The following PXYLP1 variants were observed in gnomAD, a reference collection of about 807,000 sequenced individuals.
PXYLP1 encodes 2-phosphoxylose phosphatase 1.
In PXYLP1, 17 loss-of-function variants were observed where a neutral mutation model predicts 37.9. The ratio of observed to expected loss-of-function variants is 0.45; its 90% CI spans 0.31 to 0.67. The LOEUF (loss-of-function observed/expected upper bound fraction) is 0.67, where lower values mean the gene tolerates loss of function less well. Ranked by LOEUF, PXYLP1 falls within the 30% of genes least tolerant of loss-of-function variation. The probability of loss-of-function intolerance (pLI) is 0.07; values close to 1 mark genes in which losing one functional copy is unlikely to be tolerated. For synonymous variants in PXYLP1, 221 were observed against 232.2 expected (o/e 0.95, Z 0.44); for missense variants, 511 against 612.0 (o/e 0.84, Z 1.74).
At chr3:141,280,858 G>T (rs948037806) in intron 4 of PXYLP1, among the ~76,000 whole-genome samples, 3 of 152,240 alleles carry the variant, frequency 2.0e-5, no homozygotes, top group African/African-American at 7.2e-5. Flanking sequence ...CAGGCAGGGT[G>T]CAGTGAGCTG....
At chr3:141,232,772 C>A (rs1195628383) in intron 1 of PXYLP1, among the ~76,000 whole-genome samples, 1 of 152,228 alleles carries the variant, frequency 6.6e-6, no homozygotes, top group Non-Finnish European at 1.5e-5. Context: ...GTAAAGGATT[C>A]ACGGTGCAGG....
intron 1 of PXYLP1, among the ~76,000 whole-genome samples, chr3:141,245,846 C>G (rs1044160916): frequency 1.1e-4 from 17 of 152,190 alleles, no homozygotes; most frequent in African/African-American, 4.1e-4. Flanking sequence ...TAAGCTTGAC[C>G]TGTTCCGTGC....
intron 1 of PXYLP1, among the ~76,000 whole-genome samples, chr3:141,239,088 C>T (rs940580611): frequency 6.6e-6 from 1 of 152,012 alleles, no homozygotes; most frequent in Non-Finnish European, 1.5e-5. Context: ...AAAACCTTGC[C>T]CCACACTTGT....
intron 5 of PXYLP1, among the ~76,000 whole-genome samples, chr3:141,287,721 C>T (rs1005974870): frequency 5.3e-5 from 8 of 152,128 alleles, no homozygotes; most frequent in South Asian, 2.1e-4. Flanking sequence ...TTTAAGCAAC[C>T]GTAATTCCAC....
intron 1 of PXYLP1, among the ~76,000 whole-genome samples, chr3:141,243,176 C>G (rs1940854028): frequency 6.6e-6 from 1 of 152,142 alleles, no homozygotes; most frequent in Non-Finnish European, 1.5e-5. Context: ...CTGGCCTGGT[C>G]TACTGAACAC....
intron 2 of PXYLP1, among the ~76,000 whole-genome samples, chr3:141,270,109 T>C (rs1439128494): frequency 6.6e-6 from 1 of 152,262 alleles, no homozygotes; most frequent in African/African-American, 2.4e-5. Context: ...GCTGGAGTTC[T>C]CCGGCTCCCT....
In PXYLP1 at chr3:141,248,837, G is replaced by GTATATATACACACGTA. The variant is rs1380556379; in HGVS notation, c.-53-11261_-53-11246dup. Reference sequence around the variant, plus strand: ...CACACGTATATATATACACACACGTGTATATATACACACGTATATATATAC... The same window carrying GTATATATACACACGTA: ...CACACGTATATATATACACACACGTGTATATATACACACGTATATATATACACACGTATATATATAC... On this transcript the variant is annotated intron_variant, in intron 1 of 5. Transcript: ENST00000286353. Among the ~76,000 whole-genome samples, 3 of 110,202 alleles carry GTATATATACACACGTA rather than the reference G, an allele frequency of 2.7e-5. 1 individual carries two copies. The highest frequency in any genetic ancestry group is 2.6e-4 in the Admixed American group (3 of 11,622). 72.3% of individuals were successfully genotyped at this position (110,202 alleles called of 152,430 possible). A position where few individuals can be genotyped will look rare whatever the true frequency, so the allele number is the denominator to read the frequency against.
chr3:141,232,589 G>C (rs1379231336), intron 1 of PXYLP1, among the ~76,000 whole-genome samples: 1 of 152,264 alleles, frequency 6.6e-6, no homozygotes, highest in Non-Finnish European at 1.5e-5. Flanking sequence ...GGTTAGGACC[G>C]TGTGGTGTAG....
chr3:141,285,262 T>C (rs1486680661), intron 4 of PXYLP1, among the ~76,000 whole-genome samples: 1 of 151,150 alleles, frequency 6.6e-6, no homozygotes, highest in Non-Finnish European at 1.5e-5. Flanking sequence ...TCCTCCTGCT[T>C]TAGCCTCCTG....
At position 141,251,631 on chromosome 3, in the gene PXYLP1, C is replaced by T. The variant is rs144075400; in HGVS notation, c.-53-8492C>T. ...ACAGTGAAGAAGAACGTGACAAGGA[C>T]AGATTGCTGGGTACCACTCTGAATG... is the stretch of plus-strand genomic sequence containing the variant. On this transcript the variant is annotated intron_variant, in intron 1 of 5. Coordinates refer to ENST00000286353, the MANE Select transcript of PXYLP1 (RefSeq NM_001037172.3). 2.8e-3 allele frequency among the ~76,000 whole-genome samples: 431 copies of T among 152,322 alleles called. 2 individuals carry two copies. The highest frequency in any genetic ancestry group is 9.7e-3 in the African/African-American group (402 of 41,580).
chr3:141,260,735 T>C (rs1941376067), intron 2 of PXYLP1, among the ~76,000 whole-genome samples: 1 of 152,228 alleles, frequency 6.6e-6, no homozygotes, highest in Non-Finnish European at 1.5e-5. Context: ...ACAGGAGGAC[T>C]CTGATAAAGC....
chr3:141,259,194 T>C (rs1190670874), intron 1 of PXYLP1, among the ~76,000 whole-genome samples: 3 of 152,240 alleles, frequency 2.0e-5, no homozygotes, highest in African/African-American at 7.2e-5. Flanking sequence ...TCTGATTTTG[T>C]CTGTCTGATC....
intron 1 of PXYLP1, among the ~76,000 whole-genome samples, chr3:141,241,838 C>T (rs1031861924): frequency 5.9e-5 from 9 of 152,200 alleles, no homozygotes; most frequent in African/African-American, 1.9e-4. Context: ...CCAGACTCTG[C>T]TCTAAAGGGT....
Position 141,293,131 on chromosome 3 carries a change from A to G in PXYLP1, c.1369A>G (p.Lys457Glu). Residue 457 changes from lysine (K) to glutamate (E), a missense_variant, in exon 6 of 6, where the codon AAA becomes GAA. Coordinates refer to ENST00000286353, the MANE Select transcript of PXYLP1 (RefSeq NM_001037172.3). ...GCTTGAAAACTTGGTCCGCTTTGTG[A>G]AAAGGGACATGTTTGTAGCCCTGGG... The part of the protein sequence containing the change: ...CPLENLVRFV[K>E]RDMFVALGGS... 1.2e-6 allele frequency: 2 copies of G among 1,614,178 alleles called. No individual in the cohort carries two copies. Among genetic ancestry groups the G allele is most frequent in the East Asian group, 2.2e-5 (1 of 44,880 alleles).
chr3:141,285,893 A>G (rs73869568), intron 4 of PXYLP1, among the ~76,000 whole-genome samples: 5,080 of 152,308 alleles, frequency 0.033, 256 homozygotes, highest in African/African-American at 0.11. Context: ...AGGGTGATTT[A>G]TTAGACTATA....
At chr3:141,248,376 C>G (rs1311033073) in intron 1 of PXYLP1, among the ~76,000 whole-genome samples, 1 of 151,692 alleles carries the variant, frequency 6.6e-6, no homozygotes, top group Admixed American at 6.6e-5. Context: ...AGCTGGGACT[C>G]GAGGCAGTTC....
At chr3:141,279,529 C>A in intron 4 of PXYLP1, 25 bp downstream of exon 4, 3 of 1,613,764 alleles carry the variant, frequency 1.9e-6, no homozygotes, top group South Asian at 1.1e-5. Flanking sequence ...TTCTAAAAGT[C>A]ATTTTCAAGT....
At chr3:141,247,609 T>TCACATTCTAC in intron 1 of PXYLP1, among the ~76,000 whole-genome samples, 1 of 152,268 alleles carries the variant, frequency 6.6e-6, no homozygotes, top group East Asian at 1.9e-4. Context: ...AACCAAGACT[T>TCACATTCTAC]CACATTCTAC....
intron 1 of PXYLP1, among the ~76,000 whole-genome samples, chr3:141,258,002 G>T (rs1167988087): frequency 6.6e-6 from 1 of 151,946 alleles, no homozygotes; most frequent in Non-Finnish European, 1.5e-5. Flanking sequence ...TGTCCTACTG[G>T]CCTCTCCCAC....
Sources: allele counts gnomAD v4.1 joint callset (sites outside exome capture counted in the v4.1 genomes callset), GRCh38; gene constraint gnomAD v4.1.1; transcripts MANE v1.5; gene names NCBI Gene and HGNC (gene_info 2026-07-23, HGNC 2026-07-21).